Variants in IER3 observed in about 807,000 individuals in gnomAD.
The protein encoded by IER3 is radiation-inducible immediate-early gene IEX-1.
In IER3, 5 loss-of-function variants were observed where a neutral mutation model predicts 5.4. The ratio of observed to expected loss-of-function variants is 0.92; its 90% CI spans 0.48 to 1.94. The LOEUF (loss-of-function observed/expected upper bound fraction) is 1.94, where lower values mean the gene tolerates loss of function less well. Ranked by LOEUF, IER3 falls within the 30% of genes most tolerant of loss-of-function variation. The probability of loss-of-function intolerance (pLI) is 0.01; values close to 1 mark genes in which losing one functional copy is unlikely to be tolerated. For synonymous variants in IER3, 81 were observed against 97.8 expected (o/e 0.83, Z 1.01); for missense variants, 158 against 218.2 (o/e 0.72, Z 1.74).
At position 30,744,099 on chromosome 6, in the gene IER3, T is replaced by G. The variant is rs777340384; in HGVS notation, c.308A>C (p.Glu103Ala). ...TGGAGGCAGGGGCGCCGGCACACCC[T>G]CTTCAGCCATCAGGATCTGGCAGAA... ...IVFCQILMAEEGVPAPLPPED... is the reference protein window; with the variant it reads ...IVFCQILMAEAGVPAPLPPED... The change falls in exon 2 of 2, where the codon GAG becomes GCG. Residue 103 changes from glutamate (E) to alanine (A), a missense_variant. Physicochemically the swap from Glu to Ala is moderately radical, Grantham distance 107. Coordinates refer to ENST00000259874, the MANE Select transcript of IER3 (RefSeq NM_003897.4). The surrounding 1 kb of genome is among the most constrained non-coding windows in gnomAD (Gnocchi z 6.0). 6.2e-7 allele frequency: 1 copy of G among 1,614,076 alleles called. No individual in the cohort carries two copies. The highest frequency in any genetic ancestry group is 8.5e-7 in the Non-Finnish European group (1 of 1,179,978).
rs1022530666 is a variant in IER3 at position 30,743,770 on chromosome 6, G to A, written c.*166C>T. The stretch of plus-strand genomic sequence containing the variant: ...TCGGTCTCTATGCGCCTCGGTCTCT[G>A]TGCGCCTCGGTCCCGCCTCAAGCAC... On this transcript the variant is annotated 3_prime_UTR_variant, in exon 2 of 2. Transcript: ENST00000259874. The surrounding 1 kb of genome is among the most constrained non-coding windows in gnomAD (Gnocchi z 6.5). The A allele has an allele frequency of 6.0e-5, 56 of 931,124 alleles. No homozygotes were observed. Among genetic ancestry groups the A allele is most frequent in the Admixed American group, 2.8e-4 (9 of 32,350 alleles). 57.7% of individuals were successfully genotyped at this position (931,124 alleles called of 1,614,324 possible). A position where few individuals can be genotyped will look rare whatever the true frequency, so the allele number is the denominator to read the frequency against.
At position 30,744,413 on chromosome 6, in the gene IER3, A is replaced by G; in HGVS notation, c.106T>C (p.Phe36Leu). The change falls in exon 1 of 2, where the codon TTC becomes CTC. Residue 36 changes from phenylalanine to leucine, a missense_variant. Coordinates refer to ENST00000259874, the MANE Select transcript of IER3 (RefSeq NM_003897.4). This position sits in a 1 kb window ranked among gnomAD's most constrained non-coding sequence, Gnocchi z 6.0. ...GPRRGSGPEI[F>L]TFDPLPEPAA... ...GGCTCCGGGAGAGGGTCGAAGGTGA[A>G]GATCTCAGGACCGGAGCCCCGCCGG... is the stretch of plus-strand genomic sequence containing the variant. 6.4e-7 allele frequency: 1 copy of G among 1,572,536 alleles called. No homozygotes were observed. Among genetic ancestry groups the G allele is most frequent in the Non-Finnish European group, 8.6e-7 (1 of 1,163,738 alleles).
Position 30,744,461 on chromosome 6 carries a change from C to G in IER3, c.58G>C (p.Ala20Pro), listed in dbSNP as rs927881953. ...TMTILQAPTP[A>P]PSTIPGPRRG... ...CGGGGTCCCGGGATGGTGGAGGGGG[C>G]CGGGGTCGGGGCCTGCAGGATGGTC... The change falls in exon 1 of 2, where the codon GCC becomes CCC. Residue 20 changes from alanine (A) to proline (P), a missense_variant. Coordinates refer to ENST00000259874, the MANE Select transcript of IER3 (RefSeq NM_003897.4). The surrounding 1 kb of genome is among the most constrained non-coding windows in gnomAD (Gnocchi z 6.0). The G allele has an allele frequency of 6.5e-7, 1 of 1,529,534 alleles. No homozygotes were observed. The highest frequency in any genetic ancestry group is 1.4e-5 in the African/African-American group (1 of 71,574). 94.7% of individuals were successfully genotyped at this position (1,529,534 alleles called of 1,614,324 possible).
rs973845034 is a variant in IER3, at chr6:30,743,646, G to A, written c.*290C>T. The stretch of plus-strand genomic sequence containing the variant: ...ACGTACACATCTCCATCACCTAGGA[G>A]GACGTACATAAATACATATAAATAT... On this transcript the variant is annotated 3_prime_UTR_variant, in exon 2 of 2. Transcript: ENST00000259874. This position sits in a 1 kb window ranked among gnomAD's most constrained non-coding sequence, Gnocchi z 6.5. 2 of 516,634 alleles carry A rather than the reference G, an allele frequency of 3.9e-6. No homozygotes were observed. Among genetic ancestry groups the A allele is most frequent in the African/African-American group, 4.1e-5 (2 of 49,358 alleles). The allele number at this position is 516,634 out of a possible 1,614,324, so 32.0% of individuals were successfully genotyped here.
chr6:30,744,200 A>C lies in IER3; in HGVS notation c.211-4T>G, dbSNP rs762157496. The C allele has an allele frequency of 6.2e-7, 1 of 1,613,388 alleles. No individual in the cohort carries two copies. ...CGACTGGCAGCTGGCGCCGGACCTA[A>C]GGGGAGACAAAACAGGAGACAGGTC... On this transcript the variant is annotated splice_region_variant and splice_polypyrimidine_tract_variant and intron_variant, in intron 1 of 1. Coordinates refer to ENST00000259874, the MANE Select transcript of IER3 (RefSeq NM_003897.4). This position sits in a 1 kb window ranked among gnomAD's most constrained non-coding sequence, Gnocchi z 6.0.
In IER3 at chr6:30,743,561, AGACCT is replaced by A; in HGVS notation, c.*370_*374del. The A allele has an allele frequency of 3.8e-6, 1 of 262,876 alleles. No homozygotes were observed. The highest frequency in any genetic ancestry group is 8.8e-5 in the East Asian group (1 of 11,356). The allele number at this position is 262,876 out of a possible 1,614,324, so 16.3% of individuals were successfully genotyped here. Reference sequence around the variant, plus strand: ...CCCACAAAGCTCAATAAATACCAAGAGACCTGCATTTACAGCAGGGGGAACATCTC... The same window carrying A: ...CCCACAAAGCTCAATAAATACCAAGAGCATTTACAGCAGGGGGAACATCTC... On this transcript the variant is annotated 3_prime_UTR_variant, in exon 2 of 2. Transcript: ENST00000259874. The surrounding 1 kb of genome is among the most constrained non-coding windows in gnomAD (Gnocchi z 6.5).
chr6:30,743,659 T>C lies in IER3; in HGVS notation c.*277A>G. ...CATCACCTAGGAGGACGTACATAAATACATATAAATATTAATTAGGAGCAA... is the reference window on the plus strand; with the variant it reads ...CATCACCTAGGAGGACGTACATAAACACATATAAATATTAATTAGGAGCAA... On this transcript the variant is annotated 3_prime_UTR_variant, in exon 2 of 2. Coordinates refer to ENST00000259874, the MANE Select transcript of IER3 (RefSeq NM_003897.4). This position sits in a 1 kb window ranked among gnomAD's most constrained non-coding sequence, Gnocchi z 6.5. 5.6e-6 allele frequency: 3 copies of C among 534,082 alleles called. No individual in the cohort carries two copies. The highest frequency in any genetic ancestry group is 9.7e-6 in the Non-Finnish European group (3 of 307,822). The allele number at this position is 534,082 out of a possible 1,614,324, so 33.1% of individuals were successfully genotyped here.
At position 30,744,372 on chromosome 6, in the gene IER3, G is replaced by T. The variant is rs1183517396; in HGVS notation, c.147C>A (p.Ala49=). Residue 49 remains alanine, a synonymous_variant, in exon 1 of 2, where the codon GCC becomes GCA. Transcript: ENST00000259874. The surrounding 1 kb of genome is among the most constrained non-coding windows in gnomAD (Gnocchi z 6.0). ...DPLPEPAAAP[A]GRPSASRGHR... ...GCCCGCGAGAGGCGCTGGGGCGCCCGGCAGGGGCCGCTGCGGGCTCCGGGA... is the reference window on the plus strand; with the variant it reads ...GCCCGCGAGAGGCGCTGGGGCGCCCTGCAGGGGCCGCTGCGGGCTCCGGGA... 1.5e-5 allele frequency: 24 copies of T among 1,604,504 alleles called. No homozygotes were observed. In the Admixed American group the frequency reaches 3.8e-4, roughly 26 times the overall value.
Position 30,744,197 on chromosome 6 carries a change from C to A in IER3, c.211-1G>T. The A allele has an allele frequency of 6.2e-7, 1 of 1,613,456 alleles. No homozygotes were observed. Among genetic ancestry groups the A allele is most frequent in the African/African-American group, 1.3e-5 (1 of 75,042 alleles). ...CCTCGACTGGCAGCTGGCGCCGGACCTAAGGGGAGACAAAACAGGAGACAG... is the reference window on the plus strand; with the variant it reads ...CCTCGACTGGCAGCTGGCGCCGGACATAAGGGGAGACAAAACAGGAGACAG... On this transcript the variant is annotated splice_acceptor_variant, in intron 1 of 1. Coordinates refer to ENST00000259874, the MANE Select transcript of IER3 (RefSeq NM_003897.4). LOFTEE classifies it high-confidence loss of function. This position sits in a 1 kb window ranked among gnomAD's most constrained non-coding sequence, Gnocchi z 6.0.
At position 30,743,747 on chromosome 6, in the gene IER3, G is replaced by T; in HGVS notation, c.*189C>A. 2 of 719,558 alleles carry T rather than the reference G, an allele frequency of 2.8e-6. No individual in the cohort carries two copies. The highest frequency in any genetic ancestry group is 4.4e-6 in the Non-Finnish European group (2 of 458,110). 44.6% of individuals were successfully genotyped at this position (719,558 alleles called of 1,614,324 possible). A position where few individuals can be genotyped will look rare whatever the true frequency, so the allele number is the denominator to read the frequency against. On this transcript the variant is annotated 3_prime_UTR_variant, in exon 2 of 2. Transcript: ENST00000259874. This position sits in a 1 kb window ranked among gnomAD's most constrained non-coding sequence, Gnocchi z 6.5. ...CCTAGCCCCAGCTGGGCTGTGCCTCGGTCTCTATGCGCCTCGGTCTCTGTG... is the reference window on the plus strand; with the variant it reads ...CCTAGCCCCAGCTGGGCTGTGCCTCTGTCTCTATGCGCCTCGGTCTCTGTG...
Position 30,744,273 on chromosome 6 carries a change from G to C in IER3, c.210+36C>G. 6.2e-7 allele frequency: 1 copy of C among 1,612,432 alleles called. No individual in the cohort carries two copies. The highest frequency in any genetic ancestry group is 8.5e-7 in the Non-Finnish European group (1 of 1,179,556). Reference sequence around the variant, plus strand: ...GTCGTTCCCCAGTGACTCCAGGGCAGCGCACCCCGCGAATGCCCACTTCGG... The same window carrying C: ...GTCGTTCCCCAGTGACTCCAGGGCACCGCACCCCGCGAATGCCCACTTCGG... On this transcript the variant is annotated intron_variant, in intron 1 of 1. Coordinates refer to ENST00000259874, the MANE Select transcript of IER3 (RefSeq NM_003897.4). This position sits in a 1 kb window ranked among gnomAD's most constrained non-coding sequence, Gnocchi z 6.0.
At position 30,744,162 on chromosome 6, in the gene IER3, GGGTTC is replaced by G. The variant is rs1778229539; in HGVS notation, c.240_244del (p.Asn81SerfsTer20). The stretch of plus-strand genomic sequence containing the variant: ...CAGCAGAAAGAGAAGCCTTTTGGCT[GGGTTC>G]GGTTCCTCGACTGGCAGCTGGCGCC... On this transcript the variant is annotated frameshift_variant, in exon 2 of 2. Transcript: ENST00000259874. LOFTEE classifies it low-confidence loss of function (END_TRUNC). This position sits in a 1 kb window ranked among gnomAD's most constrained non-coding sequence, Gnocchi z 6.0. The G allele has an allele frequency of 6.2e-7, 1 of 1,613,842 alleles. No individual in the cohort carries two copies. The highest frequency in any genetic ancestry group is 8.5e-7 in the Non-Finnish European group (1 of 1,180,046).
At position 30,744,510 on chromosome 6, in the gene IER3, G is replaced by A. The variant is rs774237214; in HGVS notation, c.9C>T (p.His3=). Reference sequence around the variant, plus strand: ...TCATGGTCGGGTGGCAGCTGCGAGAGTGACACATGGTGAGCCGAGCGGAGT... The same window carrying A: ...TCATGGTCGGGTGGCAGCTGCGAGAATGACACATGGTGAGCCGAGCGGAGT... MC[H]SRSCHPTMTI... The change falls in exon 1 of 2, where the codon CAC becomes CAT. Residue 3 remains histidine (H), a synonymous_variant. Coordinates refer to ENST00000259874, the MANE Select transcript of IER3 (RefSeq NM_003897.4). This position sits in a 1 kb window ranked among gnomAD's most constrained non-coding sequence, Gnocchi z 6.0. The A allele has an allele frequency of 2.3e-5, 35 of 1,491,344 alleles. 1 individual carries two copies. The East Asian group carries it at 8.1e-4, about 34-fold the overall frequency. 92.4% of individuals were successfully genotyped at this position (1,491,344 alleles called of 1,614,324 possible).
rs533879458 is a variant in IER3, at chr6:30,744,230, C to T, written c.211-34G>A. ...AGACAAAACAGGAGACAGGTCAGGTCGAGGCCTCTGGAGTCGGGTCGTTCC... is the reference window on the plus strand; with the variant it reads ...AGACAAAACAGGAGACAGGTCAGGTTGAGGCCTCTGGAGTCGGGTCGTTCC... On this transcript the variant is annotated intron_variant, in intron 1 of 1. Coordinates refer to ENST00000259874, the MANE Select transcript of IER3 (RefSeq NM_003897.4). This position sits in a 1 kb window ranked among gnomAD's most constrained non-coding sequence, Gnocchi z 6.0. 6.2e-7 allele frequency: 1 copy of T among 1,613,074 alleles called. No homozygotes were observed. Among genetic ancestry groups the T allele is most frequent in the East Asian group, 2.2e-5 (1 of 44,876 alleles).
In IER3 at chr6:30,744,100, C is replaced by CT; in HGVS notation, c.306dup (p.Glu103ArgfsTer14). The CT allele has an allele frequency of 6.2e-7, 1 of 1,614,140 alleles. No individual in the cohort carries two copies. Among genetic ancestry groups the CT allele is most frequent in the Non-Finnish European group, 8.5e-7 (1 of 1,179,996 alleles). ...GGAGGCAGGGGCGCCGGCACACCCTCTTCAGCCATCAGGATCTGGCAGAAG... is the reference window on the plus strand; with the variant it reads ...GGAGGCAGGGGCGCCGGCACACCCTCTTTCAGCCATCAGGATCTGGCAGAAG... On this transcript the variant is annotated frameshift_variant, in exon 2 of 2. Coordinates refer to ENST00000259874, the MANE Select transcript of IER3 (RefSeq NM_003897.4). LOFTEE classifies it low-confidence loss of function (END_TRUNC). This position sits in a 1 kb window ranked among gnomAD's most constrained non-coding sequence, Gnocchi z 6.0.
In IER3 at chr6:30,743,596, C is replaced by G; in HGVS notation, c.*340G>C. On this transcript the variant is annotated 3_prime_UTR_variant, in exon 2 of 2. Coordinates refer to ENST00000259874, the MANE Select transcript of IER3 (RefSeq NM_003897.4). The surrounding 1 kb of genome is among the most constrained non-coding windows in gnomAD (Gnocchi z 6.5). The stretch of plus-strand genomic sequence containing the variant: ...TTACAGCAGGGGGAACATCTCACAC[C>G]CTTGCATAAGTTAAAATAAATATTA... 1 of 390,300 alleles carries G rather than the reference C, an allele frequency of 2.6e-6. No homozygotes were observed. The highest frequency in any genetic ancestry group is 3.8e-5 in the South Asian group (1 of 26,586). 24.2% of individuals were successfully genotyped at this position (390,300 alleles called of 1,614,324 possible).
Position 30,743,722 on chromosome 6 carries a change from C to G in IER3, c.*214G>C. 3.4e-6 allele frequency: 2 copies of G among 593,772 alleles called. No homozygotes were observed. The highest frequency in any genetic ancestry group is 7.2e-5 in the Admixed American group (2 of 27,938). 36.8% of individuals were successfully genotyped at this position (593,772 alleles called of 1,614,324 possible). ...TAACGACGCTCTCCTTCCCACCGGG[C>G]CTAGCCCCAGCTGGGCTGTGCCTCG... On this transcript the variant is annotated 3_prime_UTR_variant, in exon 2 of 2. Coordinates refer to ENST00000259874, the MANE Select transcript of IER3 (RefSeq NM_003897.4). The surrounding 1 kb of genome is among the most constrained non-coding windows in gnomAD (Gnocchi z 6.5).
At position 30,744,218 on chromosome 6, in the gene IER3, G is replaced by A; in HGVS notation, c.211-22C>T. The A allele has an allele frequency of 6.2e-7, 1 of 1,613,224 alleles. No individual in the cohort carries two copies. The highest frequency in any genetic ancestry group is 8.5e-7 in the Non-Finnish European group (1 of 1,180,038). On this transcript the variant is annotated intron_variant, in intron 1 of 1. Coordinates refer to ENST00000259874, the MANE Select transcript of IER3 (RefSeq NM_003897.4). The surrounding 1 kb of genome is among the most constrained non-coding windows in gnomAD (Gnocchi z 6.0). ...GGACCTAAGGGGAGACAAAACAGGA[G>A]ACAGGTCAGGTCGAGGCCTCTGGAG...
Position 30,744,541 on chromosome 6 carries a change from G to A in IER3, c.-23C>T, listed in dbSNP as rs758936173. ...CATGGTGAGCCGAGCGGAGTGTAAGGCCAAGTGAGGGTCGGCTGCCGGCAG... is the reference window on the plus strand; with the variant it reads ...CATGGTGAGCCGAGCGGAGTGTAAGACCAAGTGAGGGTCGGCTGCCGGCAG... On this transcript the variant is annotated 5_prime_UTR_variant, in exon 1 of 2. Transcript: ENST00000259874. This position sits in a 1 kb window ranked among gnomAD's most constrained non-coding sequence, Gnocchi z 6.0. 14 of 1,447,100 alleles carry A rather than the reference G, an allele frequency of 9.7e-6. No homozygotes were observed. The South Asian group carries it at 1.7e-4, about 17-fold the overall frequency. 89.6% of individuals were successfully genotyped at this position (1,447,100 alleles called of 1,614,324 possible). A position where few individuals can be genotyped will look rare whatever the true frequency, so the allele number is the denominator to read the frequency against.
Sources: gnomAD v4.1 joint callset for allele counts on GRCh38, gnomAD v4.1.1 for gene constraint, Gnocchi (gnomAD v3.1) non-coding constraint, MANE v1.5 for transcripts, NCBI Gene and HGNC (gene_info 2026-07-23, HGNC 2026-07-21) for gene names.